SMYD3: variants seen among roughly 807,000 people sequenced by gnomAD.
SMYD3 encodes histone-lysine N-methyltransferase SMYD3.
Under a neutral mutation model 57.7 loss-of-function variants are expected in SMYD3, and 36 were observed. That is an observed-to-expected ratio of 0.62 (90% confidence interval 0.48 to 0.82). The LOEUF (loss-of-function observed/expected upper bound fraction) is 0.82. Ranked by LOEUF, SMYD3 falls within the 40% of genes least tolerant of loss-of-function variation. The probability of loss-of-function intolerance (pLI) is 0.00; values close to 1 mark genes in which losing one functional copy is unlikely to be tolerated. For missense variants in SMYD3, 515 were observed against 538.8 expected (o/e 0.96, Z 0.44); for synonymous variants, 211 against 195.0 (o/e 1.08, Z -0.68).
intron 5 of SMYD3, among the ~76,000 whole-genome samples, chr1:246,095,300 T>C (rs975128044): frequency 7.2e-5 from 11 of 152,244 alleles, no homozygotes; most frequent in African/African-American, 2.7e-4. Context: ...TATCTCTTCA[T>C]AGCTACTCAA....
intron 10 of SMYD3, among the ~76,000 whole-genome samples, chr1:245,838,050 T>A (rs899998500): frequency 1.3e-5 from 2 of 151,882 alleles, no homozygotes; most frequent in African/African-American, 4.9e-5. Flanking sequence ...CCATTCCCCT[T>A]AGGTCCTACA....
intron 8 of SMYD3, among the ~76,000 whole-genome samples, chr1:245,867,146 T>G (rs1023010234): frequency 6.6e-6 from 1 of 152,162 alleles, no homozygotes; most frequent in Non-Finnish European, 1.5e-5. Flanking sequence ...GTGGGTCCAA[T>G]ATAATTACAA....
At chr1:246,447,176 T>C (rs1418139598) in intron 1 of SMYD3, among the ~76,000 whole-genome samples, 1 of 152,230 alleles carries the variant, frequency 6.6e-6, no homozygotes, top group Non-Finnish European at 1.5e-5. Context: ...TGTATTGTTA[T>C]AACATTTCCT....
chr1:245,982,334 C>G (rs1259795648), intron 5 of SMYD3, among the ~76,000 whole-genome samples: 3 of 152,106 alleles, frequency 2.0e-5, no homozygotes, highest in Non-Finnish European at 4.4e-5. Context: ...ACTATGTTGC[C>G]CAGGCTGGTC....
intron 10 of SMYD3, among the ~76,000 whole-genome samples, chr1:245,802,071 G>C (rs1411335626): frequency 1.3e-5 from 2 of 152,186 alleles, no homozygotes; most frequent in African/African-American, 2.4e-5. Context: ...AGAGATTCCT[G>C]GTGGACTGAC....
chr1:246,476,086 T>C (rs1378916084), intron 1 of SMYD3, among the ~76,000 whole-genome samples: 2 of 152,216 alleles, frequency 1.3e-5, no homozygotes, highest in African/African-American at 2.4e-5. Flanking sequence ...ACCAACAAAT[T>C]GTAATGTTCA....
intron 1 of SMYD3, among the ~76,000 whole-genome samples, chr1:246,504,349 C>T (rs2068503867): frequency 1.3e-5 from 2 of 152,162 alleles, no homozygotes; most frequent in South Asian, 4.1e-4. Flanking sequence ...CACACCTAGG[C>T]TAGCAGGTAT....
intron 10 of SMYD3, among the ~76,000 whole-genome samples, chr1:245,853,712 T>C (rs2051094356): frequency 1.0e-5 from 1 of 99,122 alleles, no homozygotes; most frequent in African/African-American, 3.2e-5. Context: ...CCAAACCTTC[T>C]CAAAAAAAGG....
chr1:245,807,509 T>G (rs2048241794), intron 10 of SMYD3, among the ~76,000 whole-genome samples: 1 of 152,126 alleles, frequency 6.6e-6, no homozygotes, highest in African/African-American at 2.4e-5. Context: ...TACACAATGC[T>G]ACTTGAGGGA....
At chr1:246,410,813 G>A (rs566833504) in intron 1 of SMYD3, among the ~76,000 whole-genome samples, 2 of 150,580 alleles carry the variant, frequency 1.3e-5, no homozygotes, top group African/African-American at 4.9e-5. Flanking sequence ...ACTTTTTTTG[G>A]TTGGTAAGCT....
At chr1:246,200,748 T>C (rs2062910724) in intron 5 of SMYD3, among the ~76,000 whole-genome samples, 1 of 141,306 alleles carries the variant, frequency 7.1e-6, no homozygotes, top group Non-Finnish European at 1.6e-5. Context: ...TTTTCATATA[T>C]ATGATTTGAT....
rs377569719 is a variant in SMYD3, at chr1:246,312,101, G to A, written c.531+15100C>T. Reference sequence around the variant, plus strand: ...CTACTTGTCACTACACCAGGTGCTAGGAAAATGGTTACGACCCTCAAGCTG... The same window carrying A: ...CTACTTGTCACTACACCAGGTGCTAAGAAAATGGTTACGACCCTCAAGCTG... On this transcript the variant is annotated intron_variant, in intron 5 of 11. Coordinates refer to ENST00000490107, the MANE Select transcript of SMYD3 (RefSeq NM_001167740.2). Among the ~76,000 whole-genome samples, 26 of 152,272 alleles carry A rather than the reference G, an allele frequency of 1.7e-4. No individual in the cohort carries two copies. In the East Asian group the frequency reaches 2.3e-3, roughly 14 times the overall value.
intron 5 of SMYD3, among the ~76,000 whole-genome samples, chr1:246,195,062 G>C (rs2062810592): frequency 1.3e-5 from 2 of 152,106 alleles, no homozygotes; most frequent in African/African-American, 4.8e-5. Flanking sequence ...AACCTCTCTT[G>C]AATGTCTGGC....
chr1:245,822,994 G>A (rs2049261192), intron 10 of SMYD3, among the ~76,000 whole-genome samples: 1 of 152,178 alleles, frequency 6.6e-6, no homozygotes, highest in African/African-American at 2.4e-5. Flanking sequence ...AAAGTGCTCA[G>A]ACACTGTGCT....
chr1:246,156,997 G>A (rs899943476), intron 5 of SMYD3, among the ~76,000 whole-genome samples: 3 of 150,680 alleles, frequency 2.0e-5, no homozygotes, highest in East Asian at 4.1e-4. Flanking sequence ...TAGGAGGTAC[G>A]AGGGCAAAGA....
chr1:245,931,115 A>G (rs1313778461), intron 5 of SMYD3, among the ~76,000 whole-genome samples: 1 of 152,322 alleles, frequency 6.6e-6, no homozygotes, highest in East Asian at 1.9e-4. Context: ...CCCTACTGCC[A>G]TATTTGGGTT....
intron 5 of SMYD3, among the ~76,000 whole-genome samples, chr1:246,272,435 T>A (rs559664388): frequency 6.6e-6 from 1 of 152,208 alleles, no homozygotes; most frequent in Non-Finnish European, 1.5e-5. Context: ...GCTTTTACTA[T>A]GTTGAAGTAG....
chr1:246,466,535 G>A (rs2067884137), intron 1 of SMYD3, among the ~76,000 whole-genome samples: 1 of 152,178 alleles, frequency 6.6e-6, no homozygotes. Context: ...GAGGGTGGAG[G>A]TTGGAAGGAG....
At chr1:245,842,095 G>A (rs1457956393) in intron 10 of SMYD3, among the ~76,000 whole-genome samples, 1 of 152,170 alleles carries the variant, frequency 6.6e-6, no homozygotes. Flanking sequence ...TGTGTAGTAG[G>A]ATTTCACAAT....
Sources: allele counts gnomAD v4.1 joint callset (sites outside exome capture counted in the v4.1 genomes callset), GRCh38; gene constraint gnomAD v4.1.1; transcripts MANE v1.5; gene names NCBI Gene and HGNC (gene_info 2026-07-23, HGNC 2026-07-21).